The following COMMD10 variants were observed in gnomAD, a reference collection of about 807,000 sequenced individuals.
COMMD10 encodes COMM domain containing 10.
Under a neutral mutation model 28.9 loss-of-function variants are expected in COMMD10, and 33 were observed. That is an observed-to-expected ratio of 1.14 (90% CI 0.87 to 1.53). COMMD10 has a LOEUF of 1.53. COMMD10 is among the 40% of genes most tolerant of loss of function. The pLI is 0.00. For missense variants in COMMD10, 310 were observed against 233.4 expected, an observed-to-expected ratio of 1.33 and a Z score of -2.14; for synonymous variants, 110 against 81.7, an observed-to-expected ratio of 1.35 and a Z score of -1.87.
intron 5 of COMMD10, among the ~76,000 whole-genome samples, chr5:116,276,451 G>C (rs532011395): frequency 6.6e-6 from 1 of 151,686 alleles, no homozygotes; most frequent in African/African-American, 2.4e-5. Flanking sequence ...TGCCAGGTTG[G>C]TCTCAAATTC....
chr5:116,277,049 A>C (rs1750935636), intron 5 of COMMD10, among the ~76,000 whole-genome samples: 1 of 151,820 alleles, frequency 6.6e-6, no homozygotes, highest in South Asian at 2.1e-4. Context: ...ATTTCCATAA[A>C]GCTGTTACCA....
intron 5 of COMMD10, among the ~76,000 whole-genome samples, chr5:116,279,342 A>C (rs1258848820): frequency 6.6e-6 from 1 of 151,936 alleles, no homozygotes; most frequent in African/African-American, 2.4e-5. Flanking sequence ...CTTTTCAAAA[A>C]TTAAAAGTTA....
chr5:116,167,933 A>G (rs2112576303), intron 5 of COMMD10, among the ~76,000 whole-genome samples: 1 of 152,318 alleles, frequency 6.6e-6, no homozygotes, highest in African/African-American at 2.4e-5. Context: ...ACTAACAGGC[A>G]AAATAACCAG....
At chr5:116,112,924 A>G (rs1458564132) in intron 4 of COMMD10, among the ~76,000 whole-genome samples, 1 of 151,796 alleles carries the variant, frequency 6.6e-6, no homozygotes, top group Non-Finnish European at 1.5e-5. Flanking sequence ...TGTATTTTAT[A>G]TTTTTGTGTG....
At position 116,292,504 on chromosome 5, in the gene COMMD10, G is replaced by T; in HGVS notation, c.*15G>T. The T allele has an allele frequency of 6.4e-7, 1 of 1,573,920 alleles. No homozygotes were observed. The highest frequency in any genetic ancestry group is 8.6e-7 in the Non-Finnish European group (1 of 1,158,076). ...CCCTTACATGATGTTTTCGAAGACT[G>T]TTTTTTTCATCACGCTCCTGCCACC... On this transcript the variant is annotated 3_prime_UTR_variant, in exon 7 of 7. Transcript: ENST00000274458.
At position 116,292,531 on chromosome 5, in the gene COMMD10, C is replaced by T. The variant is rs1438085169; in HGVS notation, c.*42C>T. 2.0e-6 allele frequency: 3 copies of T among 1,512,196 alleles called. No individual in the cohort carries two copies. Among genetic ancestry groups the T allele is most frequent in the Non-Finnish European group, 2.7e-6 (3 of 1,114,848 alleles). 93.7% of individuals were successfully genotyped at this position (1,512,196 alleles called of 1,614,324 possible). On this transcript the variant is annotated 3_prime_UTR_variant, in exon 7 of 7. Coordinates refer to ENST00000274458, the MANE Select transcript of COMMD10 (RefSeq NM_016144.4). ...TTTTTTCATCACGCTCCTGCCACCT[C>T]ATTATTTTGCATTGAAGATACATTG...
chr5:116,098,787 T>G (rs1331359057), intron 4 of COMMD10, among the ~76,000 whole-genome samples: 1 of 152,182 alleles, frequency 6.6e-6, no homozygotes, highest in Admixed American at 6.5e-5. Context: ...GTGTTTATTT[T>G]TATTCCATTT....
intron 5 of COMMD10, among the ~76,000 whole-genome samples, chr5:116,150,469 T>C (rs1242645172): frequency 3.9e-5 from 6 of 152,026 alleles, no homozygotes; most frequent in Non-Finnish European, 7.4e-5. Context: ...TTTCATGATA[T>C]TGATTCTTCC....
chr5:116,290,765 C>G (rs1009878479), intron 5 of COMMD10, among the ~76,000 whole-genome samples: 12 of 149,868 alleles, frequency 8.0e-5, no homozygotes, highest in African/African-American at 3.1e-4. Context: ...GTAAAATAAA[C>G]ACATTTGAGC....
At chr5:116,193,271 T>A (rs1265930856) in intron 5 of COMMD10, among the ~76,000 whole-genome samples, 1 of 151,966 alleles carries the variant, frequency 6.6e-6, no homozygotes, top group Non-Finnish European at 1.5e-5. Flanking sequence ...AAAAACAAAG[T>A]ACGCAGGCAA....
At chr5:116,236,409 C>T (rs1215348824) in intron 5 of COMMD10, among the ~76,000 whole-genome samples, 1 of 149,430 alleles carries the variant, frequency 6.7e-6, no homozygotes, top group East Asian at 2.0e-4. Context: ...GAGACTGAGG[C>T]ACTAGAATAG....
At chr5:116,125,068 T>C (rs1267585093) in intron 4 of COMMD10, among the ~76,000 whole-genome samples, 1 of 152,124 alleles carries the variant, frequency 6.6e-6, no homozygotes, top group African/African-American at 2.4e-5. Flanking sequence ...ACGTTAATAT[T>C]GTTATGTGTG....
rs11268771 is a variant in COMMD10 at position 116,212,496 on chromosome 5, C to CTG, written c.510+78344_510+78345dup. ...TCCAGTGACAGAAGGTACTGAAATGCTGTGTGTGTGTGTGTGTGTGTGTGT... is the reference window on the plus strand; with the variant it reads ...TCCAGTGACAGAAGGTACTGAAATGCTGTGTGTGTGTGTGTGTGTGTGTGTGT... On this transcript the variant is annotated intron_variant, in intron 5 of 6. Transcript: ENST00000274458. Among the ~76,000 whole-genome samples, 339 of 63,868 alleles carry CTG rather than the reference C, an allele frequency of 5.3e-3. 2 individuals are homozygous for CTG. Among genetic ancestry groups the CTG allele is most frequent in the African/African-American group, 0.012 (318 of 27,218 alleles). 41.9% of individuals were successfully genotyped at this position (63,868 alleles called of 152,430 possible).
At position 116,177,647 on chromosome 5, in the gene COMMD10, C is replaced by T. The variant is rs541717267; in HGVS notation, c.510+43469C>T. Reference sequence around the variant, plus strand: ...TAGGAACTTTCTGTATTCAATTTTTCAAAGATTTTCAAGCATCATTTTCTT... The same window carrying T: ...TAGGAACTTTCTGTATTCAATTTTTTAAAGATTTTCAAGCATCATTTTCTT... On this transcript the variant is annotated intron_variant, in intron 5 of 6. Transcript: ENST00000274458. Among the ~76,000 whole-genome samples the T allele has an allele frequency of 3.9e-5, 6 of 151,902 alleles. No homozygotes were observed. In the South Asian group the frequency reaches 1.0e-3, roughly 26 times the overall value.
At chr5:116,215,378 TACTGCTAC>T (rs1280610911) in intron 5 of COMMD10, among the ~76,000 whole-genome samples, 1 of 152,012 alleles carries the variant, frequency 6.6e-6, no homozygotes. Flanking sequence ...AGGGAGTCAT[TACTGCTAC>T]ATCTAGCTTT....
intron 5 of COMMD10, among the ~76,000 whole-genome samples, chr5:116,267,979 C>T (rs1211521978): frequency 1.3e-5 from 2 of 151,722 alleles, no homozygotes; most frequent in East Asian, 1.9e-4. Context: ...CATGTTAGAC[C>T]TAAAACCATA....
intron 4 of COMMD10, among the ~76,000 whole-genome samples, chr5:116,113,125 C>T (rs1580454809): frequency 1.3e-5 from 2 of 152,288 alleles, no homozygotes; most frequent in Non-Finnish European, 2.9e-5. Context: ...TTTTCTTTCA[C>T]ACTTTGATTA....
At chr5:116,113,596 T>C (rs898257837) in intron 4 of COMMD10, among the ~76,000 whole-genome samples, 2 of 152,036 alleles carry the variant, frequency 1.3e-5, no homozygotes, top group East Asian at 1.9e-4. Context: ...GGAGTTTCCA[T>C]GTATTTTATA....
At chr5:116,112,779 G>T (rs1319607032) in intron 4 of COMMD10, among the ~76,000 whole-genome samples, 3 of 152,066 alleles carry the variant, frequency 2.0e-5, no homozygotes, top group Non-Finnish European at 4.4e-5. Flanking sequence ...TGGTATATGA[G>T]ATTTTGTTCC....
Sources: allele counts gnomAD v4.1 joint callset (sites outside exome capture counted in the v4.1 genomes callset), GRCh38; gene constraint gnomAD v4.1.1; transcripts MANE v1.5; gene names NCBI Gene and HGNC (gene_info 2026-07-23, HGNC 2026-07-21).